The following WDR7 variants were observed in gnomAD, a reference collection of about 807,000 sequenced individuals.
WDR7 encodes WD repeat-containing protein 7.
WDR7 carries 46 observed loss-of-function variants against 169.4 expected under a neutral mutation model. The ratio of observed to expected loss-of-function variants is 0.27; its 90% CI spans 0.21 to 0.35. WDR7 has a LOEUF of 0.35. WDR7 is among the 10% of genes least tolerant of loss of function. The pLI, the probability that WDR7 is intolerant of heterozygous loss-of-function variation, is 1.00. For synonymous variants in WDR7, 612 were observed against 666.8 expected (o/e 0.92, Z 1.27); for missense variants, 1,534 against 1,859.3 (o/e 0.83, Z 3.22).
chr18:56,672,146 A>G (rs922021584), intron 1 of WDR7, among the ~76,000 whole-genome samples: 4 of 152,218 alleles, frequency 2.6e-5, no homozygotes, highest in African/African-American at 9.6e-5. Flanking sequence ...TATACATAAA[A>G]GCGCTTTATA....
At chr18:56,690,595 A>G (rs956701438) in intron 7 of WDR7, among the ~76,000 whole-genome samples, 5 of 152,102 alleles carry the variant, frequency 3.3e-5, no homozygotes, top group African/African-American at 1.2e-4. Flanking sequence ...TGGGAGGATC[A>G]CTTGAGCCCA....
At chr18:56,985,352 C>T (rs1231617183) in intron 26 of WDR7, among the ~76,000 whole-genome samples, 1 of 152,080 alleles carries the variant, frequency 6.6e-6, no homozygotes, top group Non-Finnish European at 1.5e-5. Flanking sequence ...TAACATTAGG[C>T]TTGACATGTT....
chr18:56,953,053 T>G (rs1367088577), intron 25 of WDR7, among the ~76,000 whole-genome samples: 1 of 152,040 alleles, frequency 6.6e-6, no homozygotes, highest in Admixed American at 6.6e-5. Context: ...AAACCAAGAG[T>G]GAACGCTAAT....
At chr18:56,750,417 A>G (rs1042773426) in intron 14 of WDR7, among the ~76,000 whole-genome samples, 2 of 152,174 alleles carry the variant, frequency 1.3e-5, no homozygotes. Flanking sequence ...TTTCATTTGT[A>G]TATACCTTAT....
intron 26 of WDR7, among the ~76,000 whole-genome samples, chr18:56,967,178 G>A (rs1438302304): frequency 3.3e-5 from 5 of 151,510 alleles, no homozygotes; most frequent in Admixed American, 2.0e-4. Context: ...TGCTCAATAG[G>A]GAGCGCTTGG....
intron 1 of WDR7, among the ~76,000 whole-genome samples, chr18:56,664,831 G>A (rs1468045535): frequency 6.6e-6 from 1 of 152,172 alleles, no homozygotes; most frequent in Non-Finnish European, 1.5e-5. Flanking sequence ...TTTGGAAGGT[G>A]TAGTGAAAAT....
chr18:56,982,187 T>C lies in WDR7; in HGVS notation c.4164+19658T>C, dbSNP rs2047655922. ...TAGGTTTGTGCCAAAAGCCCGTATC[T>C]GACTTTAAATAGGGCCACTTGTCCA... On this transcript the variant is annotated intron_variant, in intron 26 of 27. Transcript: ENST00000254442. Among the ~76,000 whole-genome samples the C allele has an allele frequency of 2.0e-5, 3 of 152,208 alleles. No individual in the cohort carries two copies. The South Asian group carries it at 6.2e-4, about 32-fold the overall frequency.
At chr18:56,843,727 C>G (rs751275438) in intron 20 of WDR7, among the ~76,000 whole-genome samples, 41 of 152,184 alleles carry the variant, frequency 2.7e-4, no homozygotes, top group African/African-American at 1.9e-4. Context: ...GTCATTCTAT[C>G]TTTAATATTT....
Position 57,027,820 on chromosome 18 carries a change from A to G in WDR7, c.*613A>G, listed in dbSNP as rs781405960. On this transcript the variant is annotated 3_prime_UTR_variant, in exon 28 of 28. Coordinates refer to ENST00000254442, the MANE Select transcript of WDR7 (RefSeq NM_015285.3). Reference sequence around the variant, plus strand: ...TCAACAGCTAACCAATTTGAGATTCATGATTAATTATGTACACAAAAATAT... The same window carrying G: ...TCAACAGCTAACCAATTTGAGATTCGTGATTAATTATGTACACAAAAATAT... The G allele has an allele frequency of 1.4e-4, 22 of 152,974 alleles. No individual in the cohort carries two copies. Among genetic ancestry groups the G allele is most frequent in the Non-Finnish European group, 1.9e-4 (13 of 68,260 alleles). The allele number at this position is 152,974 out of a possible 1,614,324, so 9.5% of individuals were successfully genotyped here.
chr18:56,814,828 G>A (rs1296532615), intron 19 of WDR7, among the ~76,000 whole-genome samples: 4 of 152,026 alleles, frequency 2.6e-5, no homozygotes, highest in African/African-American at 7.2e-5. Context: ...CTTCTGCAAA[G>A]TGGTGAGTTT....
intron 26 of WDR7, among the ~76,000 whole-genome samples, chr18:57,017,388 T>A (rs2048220924): frequency 6.6e-6 from 1 of 151,290 alleles, no homozygotes. Flanking sequence ...AAGCCAGCCC[T>A]GTAGGGCACC....
intron 12 of WDR7, among the ~76,000 whole-genome samples, chr18:56,700,787 T>G (rs943248566): frequency 2.1e-4 from 32 of 151,514 alleles, no homozygotes; most frequent in Non-Finnish European, 2.9e-5. Flanking sequence ...GCCAGGATGG[T>G]CTCGATCTCC....
intron 25 of WDR7, among the ~76,000 whole-genome samples, chr18:56,951,569 A>T (rs1290055494): frequency 6.6e-6 from 1 of 152,184 alleles, no homozygotes; most frequent in Non-Finnish European, 1.5e-5. Context: ...AAATTCTCAA[A>T]GATACAGAAT....
intron 20 of WDR7, among the ~76,000 whole-genome samples, chr18:56,843,857 C>CTTTTTTTTTTTT (rs776575088): frequency 2.9e-4 from 39 of 134,326 alleles, no homozygotes; most frequent in Admixed American, 3.7e-4. Context: ...TTTTTTCTTT[C>CTTTTTTTTTTTT]TTTTTTTTTT....
intron 22 of WDR7, among the ~76,000 whole-genome samples, chr18:56,925,108 C>T (rs545295681): frequency 6.6e-6 from 1 of 152,306 alleles, no homozygotes; most frequent in Admixed American, 6.5e-5. Context: ...TATCATAGTG[C>T]TTTGTTGCTC....
intron 1 of WDR7, among the ~76,000 whole-genome samples, chr18:56,652,594 T>A (rs2024680310): frequency 6.6e-6 from 1 of 152,218 alleles, no homozygotes; most frequent in Admixed American, 6.5e-5. Context: ...AATAAAAAAC[T>A]GTCTAGTTCC....
At chr18:56,797,229 A>T (rs8093297) in intron 19 of WDR7, among the ~76,000 whole-genome samples, 11,217 of 152,200 alleles carry the variant, frequency 0.074, 498 homozygotes, top group East Asian at 0.18. Context: ...CTAAGGATGC[A>T]CTTTCTTCTA....
At chr18:56,708,856 G>C (rs2026020799) in intron 12 of WDR7, among the ~76,000 whole-genome samples, 1 of 152,168 alleles carries the variant, frequency 6.6e-6, no homozygotes, top group South Asian at 2.1e-4. Context: ...AGAATCACTT[G>C]AACCTGGGAG....
chr18:57,018,998 C>A (rs887791484), intron 26 of WDR7, among the ~76,000 whole-genome samples: 1 of 152,142 alleles, frequency 6.6e-6, no homozygotes. Flanking sequence ...AAGTGCACTC[C>A]ATTTCTTAAA....
Sources: gnomAD v4.1 joint callset for allele counts (sites outside exome capture counted in the v4.1 genomes callset) on GRCh38, gnomAD v4.1.1 for gene constraint, MANE v1.5 for transcripts, NCBI Gene and HGNC (gene_info 2026-07-23, HGNC 2026-07-21) for gene names.